The following KIAA1549L variants were observed in gnomAD, a reference collection of about 807,000 sequenced individuals.
KIAA1549L encodes the protein KIAA1549 like.
A neutral mutation model predicts 160.7 loss-of-function variants in KIAA1549L; 88 were observed. That is an observed-to-expected ratio of 0.55 (90% CI 0.46 to 0.65). KIAA1549L has a LOEUF of 0.65. Ranked by LOEUF, KIAA1549L falls within the 30% of genes least tolerant of loss-of-function variation. The pLI is 0.00. For synonymous variants in KIAA1549L, 950 were observed against 976.7 expected (o/e 0.97, Z 0.51); for missense variants, 2,258 against 2,437.5 (o/e 0.93, Z 1.55).
At chr11:33,623,493 G>A (rs543471218) in intron 16 of KIAA1549L, among the ~76,000 whole-genome samples, 3 of 152,092 alleles carry the variant, frequency 2.0e-5, no homozygotes, top group East Asian at 1.9e-4. Context: ...CTTAATTTAC[G>A]GTACATTATA....
rs535438008 is a variant in KIAA1549L, at chr11:33,581,684, C to T, written c.4403-1654C>T. On this transcript the variant is annotated intron_variant, in intron 10 of 20. Coordinates refer to ENST00000658780, the MANE Select transcript of KIAA1549L (RefSeq NM_012194.3). ...CTGAAATTCTTGCAATTTAAATAAC[C>T]CTTCATTCCTTTTCACCTTTAGGCA... Among the ~76,000 whole-genome samples the T allele has an allele frequency of 2.0e-5, 3 of 152,170 alleles. No homozygotes were observed. In the East Asian group the frequency reaches 5.8e-4, roughly 29 times the overall value.
At chr11:33,442,236 T>G (rs1188710943) in intron 1 of KIAA1549L, among the ~76,000 whole-genome samples, 1 of 152,210 alleles carries the variant, frequency 6.6e-6, no homozygotes, top group Non-Finnish European at 1.5e-5. Context: ...GTTGTAGATA[T>G]GCGGCATGAT....
chr11:33,503,010 A>G (rs997668869), intron 1 of KIAA1549L, among the ~76,000 whole-genome samples: 14 of 152,214 alleles, frequency 9.2e-5, no homozygotes, highest in African/African-American at 3.1e-4. Context: ...CACACACTGT[A>G]AGTATATAAC....
intron 15 of KIAA1549L, among the ~76,000 whole-genome samples, chr11:33,611,649 T>G (rs1850652092): frequency 1.3e-5 from 2 of 152,162 alleles, no homozygotes; most frequent in Admixed American, 1.3e-4. Context: ...AGCTTTTATT[T>G]TGTACTTCAG....
chr11:33,638,727 GT>G (rs1414787829), intron 16 of KIAA1549L, among the ~76,000 whole-genome samples: 3 of 152,186 alleles, frequency 2.0e-5, no homozygotes, highest in Non-Finnish European at 2.9e-5. Context: ...AATTTACAAA[GT>G]TTTTGCACTG....
At position 33,559,672 on chromosome 11, in the gene KIAA1549L, C is replaced by T. The variant is rs1000148308; in HGVS notation, c.3856-77C>T. On this transcript the variant is annotated intron_variant, in intron 6 of 20. Transcript: ENST00000658780. ...TCCCTCAACTCCTGCTTAGCCTCCC[C>T]CTCCCATGGCCTCCATGAAACACAC... 13 of 1,270,922 alleles carry T rather than the reference C, an allele frequency of 1.0e-5. No homozygotes were observed. The Admixed American group carries it at 1.1e-4, about 10-fold the overall frequency. The allele number at this position is 1,270,922 out of a possible 1,614,324, so 78.7% of individuals were successfully genotyped here. A position where few individuals can be genotyped will look rare whatever the true frequency, so the allele number is the denominator to read the frequency against.
intron 1 of KIAA1549L, among the ~76,000 whole-genome samples, chr11:33,472,124 CTCTT>C (rs1373533415): frequency 6.6e-6 from 1 of 151,472 alleles, no homozygotes; most frequent in East Asian, 1.9e-4. Context: ...TCCTTTCTCT[CTCTT>C]TCTTTCTCCT....
intron 1 of KIAA1549L, among the ~76,000 whole-genome samples, chr11:33,518,600 A>T (rs1343311569): frequency 6.6e-6 from 1 of 152,162 alleles, no homozygotes; most frequent in South Asian, 2.1e-4. Context: ...AAACCTAAGA[A>T]CTATGTCATA....
intron 1 of KIAA1549L, among the ~76,000 whole-genome samples, chr11:33,492,179 C>T (rs2133068878): frequency 6.6e-6 from 1 of 152,158 alleles, no homozygotes; most frequent in South Asian, 2.1e-4. Flanking sequence ...CAAGCCTGGC[C>T]AACATGGTGA....
chr11:33,646,549 G>A (rs1851728991), intron 17 of KIAA1549L, among the ~76,000 whole-genome samples: 1 of 152,128 alleles, frequency 6.6e-6, no homozygotes, highest in Non-Finnish European at 1.5e-5. Context: ...TGAAAACCTG[G>A]CAAATAGAGC....
At position 33,434,489 on chromosome 11, in the gene KIAA1549L, G is replaced by A. The variant is rs140854720; in HGVS notation, c.238+57600G>A. 6.6e-5 allele frequency among the ~76,000 whole-genome samples: 10 copies of A among 152,258 alleles called. 1 individual carries two copies. The highest frequency in any genetic ancestry group is 2.1e-4 in the South Asian group (1 of 4,822). On this transcript the variant is annotated intron_variant, in intron 1 of 20. Transcript: ENST00000658780. ...TGCAGTAAACTGGTACCAGGAGTGG[G>A]GTTCTAAACCATGTGGACATATGTC...
At chr11:33,544,415 C>T (rs1854162318) in intron 2 of KIAA1549L, 79 bp downstream of exon 2, 1 of 1,442,826 alleles carries the variant, frequency 6.9e-7, no homozygotes, top group East Asian at 2.3e-5. Context: ...AAAGCATCTT[C>T]AAGCTCAACG....
At chr11:33,493,849 G>A (rs180724190) in intron 1 of KIAA1549L, among the ~76,000 whole-genome samples, 20 of 152,282 alleles carry the variant, frequency 1.3e-4, no homozygotes, top group Admixed American at 3.3e-4. Flanking sequence ...TGGAATTTTA[G>A]CTTGATCATT....
intron 16 of KIAA1549L, among the ~76,000 whole-genome samples, chr11:33,630,533 A>G (rs1215487657): frequency 6.6e-6 from 1 of 152,222 alleles, no homozygotes; most frequent in African/African-American, 2.4e-5. Flanking sequence ...GGTGGGAGTG[A>G]CCCGATTTTC....
chr11:33,547,677 A>G (rs1565180092), intron 3 of KIAA1549L, 87 bp from the exon 4 acceptor site: 1 of 795,130 alleles, frequency 1.3e-6, no homozygotes, highest in East Asian at 2.7e-5. Context: ...GAACTTGCAG[A>G]AGGTGGTGGT....
At chr11:33,445,483 A>G (rs1215937464) in intron 1 of KIAA1549L, among the ~76,000 whole-genome samples, 1 of 152,262 alleles carries the variant, frequency 6.6e-6, no homozygotes, top group Non-Finnish European at 1.5e-5. Context: ...CAAGTGTGAA[A>G]GGGATGTCTG....
In KIAA1549L at chr11:33,542,904, G is replaced by A. The variant is rs558546440; in HGVS notation, c.1341G>A (p.Pro447=). 33 of 1,614,000 alleles carry A rather than the reference G, an allele frequency of 2.0e-5. No individual in the cohort carries two copies. The highest frequency in any genetic ancestry group is 1.8e-4 in the East Asian group (8 of 44,892). The change falls in exon 2 of 21, where the codon CCG becomes CCA. Residue 447 remains proline, a synonymous_variant. Coordinates refer to ENST00000658780, the MANE Select transcript of KIAA1549L (RefSeq NM_012194.3). ...CCACTGCAAATGACTCTGCTAACCCGCTGCATTTGTCAGCAGCTCCAGAGA... is the reference window on the plus strand; with the variant it reads ...CCACTGCAAATGACTCTGCTAACCCACTGCATTTGTCAGCAGCTCCAGAGA... ...ASATANDSAN[P]LHLSAAPENS...
chr11:33,460,912 A>G (rs897626726), intron 1 of KIAA1549L, among the ~76,000 whole-genome samples: 2 of 152,132 alleles, frequency 1.3e-5, no homozygotes, highest in African/African-American at 4.8e-5. Flanking sequence ...ACGTTCTGGG[A>G]GGCAGACACC....
At position 33,397,710 on chromosome 11, in the gene KIAA1549L, TCACACA is replaced by T. The variant is rs71034679; in HGVS notation, c.238+20862_238+20867del. On this transcript the variant is annotated intron_variant, in intron 1 of 20. Coordinates refer to ENST00000658780, the MANE Select transcript of KIAA1549L (RefSeq NM_012194.3). ...CTGGGCGACAGAGCGAGACTCCATC[TCACACA>T]CACACACACACACACACACACACAC... Among the ~76,000 whole-genome samples, 869 of 143,028 alleles carry T rather than the reference TCACACA, an allele frequency of 6.1e-3. 6 individuals are homozygous for T. Among genetic ancestry groups the T allele is most frequent in the East Asian group, 0.017 (82 of 4,832 alleles). The allele number at this position is 143,028 out of a possible 152,430, so 93.8% of individuals were successfully genotyped here. A position where few individuals can be genotyped will look rare whatever the true frequency, so the allele number is the denominator to read the frequency against.
Sources: allele counts gnomAD v4.1 joint callset (sites outside exome capture counted in the v4.1 genomes callset), GRCh38; gene constraint gnomAD v4.1.1; transcripts MANE v1.5; gene names NCBI Gene and HGNC (gene_info 2026-07-23, HGNC 2026-07-21).